The following RTN4R variants were observed in gnomAD, a reference collection of about 807,000 sequenced individuals.
RTN4R encodes the protein reticulon-4 receptor.
In RTN4R, 4 loss-of-function variants were observed where a neutral mutation model predicts 27.7. The ratio of observed to expected loss-of-function variants is 0.14; its 90% CI spans 0.07 to 0.33. The LOEUF (loss-of-function observed/expected upper bound fraction) is 0.33. RTN4R is among the 10% of genes least tolerant of loss of function. The pLI is 1.00. For missense variants in RTN4R, 554 were observed against 671.5 expected, an observed-to-expected ratio of 0.83 and a Z score of 1.93; for synonymous variants, 290 against 305.6, an observed-to-expected ratio of 0.95 and a Z score of 0.53.
At position 20,246,223 on chromosome 22, in the gene RTN4R, G is replaced by A. The variant is rs117611205; in HGVS notation, c.23-3113C>T. On this transcript the variant is annotated intron_variant, in intron 1 of 1. Coordinates refer to ENST00000043402, the MANE Select transcript of RTN4R (RefSeq NM_023004.6). The stretch of plus-strand genomic sequence containing the variant: ...CTGGAAGGCTCTGAGCTTTCCCAGC[G>A]GGGACAGTGACCGGATACTGACCCA... 3.3e-3 allele frequency among the ~76,000 whole-genome samples: 503 copies of A among 152,294 alleles called. 6 individuals carry two copies. The East Asian group carries it at 0.061, about 18-fold the overall frequency.
At chr22:20,265,724 G>C (rs1602653769) in intron 1 of RTN4R, among the ~76,000 whole-genome samples, 1 of 152,336 alleles carries the variant, frequency 6.6e-6, no homozygotes, top group South Asian at 2.1e-4. Context: ...CACATGGATG[G>C]GGTGAGGGGC....
intron 1 of RTN4R, among the ~76,000 whole-genome samples, chr22:20,266,727 C>A (rs1161387936): frequency 2.6e-5 from 4 of 152,258 alleles, no homozygotes; most frequent in African/African-American, 9.6e-5. Context: ...GAGCCCCCAA[C>A]ACACATTCCA....
chr22:20,245,484 C>A (rs557342496), intron 1 of RTN4R, among the ~76,000 whole-genome samples: 1 of 152,196 alleles, frequency 6.6e-6, no homozygotes, highest in Admixed American at 6.5e-5. Context: ...GAGGGAGACG[C>A]AGCCAGGTGG....
In RTN4R at chr22:20,242,867, T is replaced by G. The variant is rs570563860; in HGVS notation, c.266A>C (p.His89Pro). ...ACRNLTILWL[H>P]SNVLARIDAA... The stretch of plus-strand genomic sequence containing the variant: ...ATCAATTCGGGCCAGCACATTCGAG[T>G]GCAGCCACAGGATGGTGAGGTTGCG... Residue 89 changes from histidine to proline, a missense_variant, in exon 2 of 2, where the codon CAC becomes CCC. Coordinates refer to ENST00000043402, the MANE Select transcript of RTN4R (RefSeq NM_023004.6). 1.2e-6 allele frequency: 2 copies of G among 1,612,928 alleles called. No individual in the cohort carries two copies. Among genetic ancestry groups the G allele is most frequent in the Non-Finnish European group, 1.7e-6 (2 of 1,179,874 alleles).
intron 1 of RTN4R, among the ~76,000 whole-genome samples, chr22:20,251,135 G>A (rs2051174520): frequency 6.6e-6 from 1 of 152,150 alleles, no homozygotes; most frequent in South Asian, 2.1e-4. Flanking sequence ...CAGGGACTCT[G>A]GCCAGGTCAC....
intron 1 of RTN4R, among the ~76,000 whole-genome samples, chr22:20,245,976 G>GA (rs2051138640): frequency 6.6e-6 from 1 of 152,234 alleles, no homozygotes; most frequent in African/African-American, 2.4e-5. Context: ...GAGGGCCCCA[G>GA]AGGGCTCTCC....
intron 1 of RTN4R, among the ~76,000 whole-genome samples, chr22:20,250,789 A>C (rs919567962): frequency 6.6e-6 from 1 of 152,094 alleles, no homozygotes; most frequent in Non-Finnish European, 1.5e-5. Context: ...TAACACAAAT[A>C]AGTTGGGAGG....
intron 1 of RTN4R, among the ~76,000 whole-genome samples, chr22:20,264,914 C>T (rs1021009617): frequency 1.3e-5 from 2 of 152,186 alleles, no homozygotes; most frequent in African/African-American, 4.8e-5. Flanking sequence ...CCCTCACTAA[C>T]CCTGTGCCAG....
intron 1 of RTN4R, among the ~76,000 whole-genome samples, chr22:20,262,114 C>T (rs182326850): frequency 5.3e-4 from 81 of 152,200 alleles, no homozygotes; most frequent in African/African-American, 1.9e-3. Flanking sequence ...GGGGATGGAC[C>T]GGGAGACAGG....
intron 1 of RTN4R, among the ~76,000 whole-genome samples, chr22:20,251,315 G>T (rs1188190226): frequency 2.0e-5 from 3 of 152,132 alleles, no homozygotes; most frequent in Non-Finnish European, 4.4e-5. Context: ...TTAAAGATGA[G>T]AACACTTGGT....
At chr22:20,253,679 G>A (rs1422537278) in intron 1 of RTN4R, among the ~76,000 whole-genome samples, 1 of 152,200 alleles carries the variant, frequency 6.6e-6, no homozygotes, top group Non-Finnish European at 1.5e-5. Flanking sequence ...AATGATGCTA[G>A]AGGAAGCCGA....
chr22:20,256,770 A>AC (rs1292513839), intron 1 of RTN4R, among the ~76,000 whole-genome samples: 1 of 151,730 alleles, frequency 6.6e-6, no homozygotes, highest in African/African-American at 2.4e-5. Flanking sequence ...AGGCCCGGTC[A>AC]CCCCCAGGCC....
In RTN4R at chr22:20,255,820, G is replaced by A. The variant is rs941531942; in HGVS notation, c.22+12251C>T. ...GCAGGGGTCGCCTAGCACTGGGGTGGGTGTGCAGCCCCCAGCCTCCTTTCT... is the reference window on the plus strand; with the variant it reads ...GCAGGGGTCGCCTAGCACTGGGGTGAGTGTGCAGCCCCCAGCCTCCTTTCT... On this transcript the variant is annotated intron_variant, in intron 1 of 1. Transcript: ENST00000043402. The surrounding 1 kb of genome is among the most constrained non-coding windows in gnomAD (Gnocchi z 4.8). Among the ~76,000 whole-genome samples the A allele has an allele frequency of 1.3e-5, 2 of 152,212 alleles. No homozygotes were observed. Among genetic ancestry groups the A allele is most frequent in the African/African-American group, 2.4e-5 (1 of 41,450 alleles).
intron 1 of RTN4R, among the ~76,000 whole-genome samples, chr22:20,266,269 G>A (rs1471655177): frequency 2.0e-5 from 3 of 152,230 alleles, no homozygotes; most frequent in Non-Finnish European, 4.4e-5. Context: ...CTCTATAGAT[G>A]AGCCTCTGGT....
At chr22:20,267,750 C>A (rs1433427245) in intron 1 of RTN4R, 32 of 413,158 alleles carry the variant, frequency 7.7e-5, no homozygotes, top group Non-Finnish European at 1.5e-4. Flanking sequence ...CGAGGCCGGG[C>A]CCCGCCCTTC....
At chr22:20,244,327 C>T (rs2051127583) in intron 1 of RTN4R, among the ~76,000 whole-genome samples, 1 of 152,332 alleles carries the variant, frequency 6.6e-6, no homozygotes, top group Non-Finnish European at 1.5e-5. Flanking sequence ...CCCTCCTACC[C>T]ACATGGGGCC....
chr22:20,248,897 G>C (rs147375134), intron 1 of RTN4R, among the ~76,000 whole-genome samples: 1 of 152,216 alleles, frequency 6.6e-6, no homozygotes, highest in African/African-American at 2.4e-5. Flanking sequence ...TGCGTGGAGG[G>C]CTCCAGAACC....
intron 1 of RTN4R, among the ~76,000 whole-genome samples, chr22:20,252,749 C>T (rs1007951858): frequency 2.6e-5 from 4 of 152,142 alleles, no homozygotes; most frequent in African/African-American, 9.7e-5. Context: ...GGAGGCTGCC[C>T]TCCCAGGGAT....
At chr22:20,252,385 C>T (rs1310529602) in intron 1 of RTN4R, among the ~76,000 whole-genome samples, 1 of 152,188 alleles carries the variant, frequency 6.6e-6, no homozygotes, top group African/African-American at 2.4e-5. Context: ...AAATGAGGGC[C>T]CCTCGCCTCC....
Sources: allele counts gnomAD v4.1 joint callset (sites outside exome capture counted in the v4.1 genomes callset), GRCh38; gene constraint gnomAD v4.1.1; non-coding constraint Gnocchi (gnomAD v3.1); transcripts MANE v1.5; gene names NCBI Gene and HGNC (gene_info 2026-07-23, HGNC 2026-07-21).